Variants in TIMM9 observed in about 807,000 individuals in gnomAD.
TIMM9 encodes translocase of inner mitochondrial membrane 9.
TIMM9 carries 10 observed loss-of-function variants against 13.4 expected under a neutral mutation model. The ratio of observed to expected loss-of-function variants is 0.75; its 90% CI spans 0.46 to 1.26. The LOEUF (loss-of-function observed/expected upper bound fraction) is 1.26, where lower values mean the gene tolerates loss of function less well. Ranked by LOEUF, TIMM9 falls within the 50% of genes most tolerant of loss-of-function variation. The pLI, the probability that TIMM9 is intolerant of heterozygous loss-of-function variation, is 0.00. For missense variants in TIMM9, 87 were observed against 100.8 expected, an observed-to-expected ratio of 0.86 and a Z score of 0.58; for synonymous variants, 32 against 32.1, an observed-to-expected ratio of 1.00 and a Z score of 0.01.
At position 58,409,020 on chromosome 14, in the gene TIMM9, C is replaced by T; in HGVS notation, c.*14G>A. 1 of 1,597,284 alleles carries T rather than the reference C, an allele frequency of 6.3e-7. No individual in the cohort carries two copies. Among genetic ancestry groups the T allele is most frequent in the Non-Finnish European group, 8.5e-7 (1 of 1,176,178 alleles). The stretch of plus-strand genomic sequence containing the variant: ...TGGCAATCTTTCATCAAAAGTTCAT[C>T]CATCAGGACTTCTCTATCGTGGTTG... On this transcript the variant is annotated 3_prime_UTR_variant, in exon 6 of 6. Transcript: ENST00000395159.
At chr14:58,422,167 G>A (rs1326089638) in intron 3 of TIMM9, among the ~76,000 whole-genome samples, 4 of 150,164 alleles carry the variant, frequency 2.7e-5, no homozygotes, top group Non-Finnish European at 5.9e-5. Context: ...CCAGGCTGGA[G>A]TGCAATGGCA....
chr14:58,413,171 C>T (rs1176736487), intron 3 of TIMM9, among the ~76,000 whole-genome samples: 1 of 152,120 alleles, frequency 6.6e-6, no homozygotes, highest in Non-Finnish European at 1.5e-5. Flanking sequence ...TACACCACAT[C>T]TCAATTTGAA....
intron 5 of TIMM9, among the ~76,000 whole-genome samples, chr14:58,409,575 A>G (rs929236277): frequency 3.3e-5 from 5 of 151,826 alleles, no homozygotes; most frequent in African/African-American, 9.7e-5. Flanking sequence ...TTTTAATTTT[A>G]TTTATTTATT....
At chr14:58,419,679 G>T (rs1217906635) in intron 3 of TIMM9, among the ~76,000 whole-genome samples, 1 of 152,048 alleles carries the variant, frequency 6.6e-6, no homozygotes, top group Admixed American at 6.5e-5. Context: ...GCCAAGGTTG[G>T]CAGATGGCTT....
intron 4 of TIMM9, among the ~76,000 whole-genome samples, chr14:58,411,222 C>T (rs775914462): frequency 4.6e-5 from 7 of 151,880 alleles, no homozygotes; most frequent in Non-Finnish European, 1.0e-4. Flanking sequence ...CCGAGGTGGG[C>T]GGATTACCTG....
intron 2 of TIMM9, among the ~76,000 whole-genome samples, chr14:58,426,355 G>A (rs113461217): frequency 3.8e-4 from 57 of 151,652 alleles, no homozygotes; most frequent in Admixed American, 1.1e-3. Context: ...ACAGGCGCGC[G>A]CCACCATGCC....
rs1367331653 is a variant in TIMM9 at position 58,409,144 on chromosome 14, G to T, written c.160C>A (p.Gln54Lys). ...EETTCSEHCL[Q>K]KYLKMTQRIS... ...CTTTGTGTCATTTTTAAATATTTCT[G>T]TAAGCAATGTTCTGAACAGGTGGTC... Residue 54 changes from glutamine to lysine, a missense_variant, in exon 6 of 6, where the codon CAG (glutamine) becomes AAG (lysine). By Grantham distance (53) the Gln-to-Lys change is moderately conservative. Transcript: ENST00000395159. The T allele has an allele frequency of 1.9e-6, 3 of 1,613,628 alleles. No homozygotes were observed. The highest frequency in any genetic ancestry group is 1.3e-5 in the African/African-American group (1 of 74,974).
intron 3 of TIMM9, among the ~76,000 whole-genome samples, chr14:58,412,429 C>A (rs146372216): frequency 6.6e-6 from 1 of 152,208 alleles, no homozygotes; most frequent in Admixed American, 6.5e-5. Flanking sequence ...CGTTAGCCGC[C>A]GTGCCCGGCC....
intron 2 of TIMM9, among the ~76,000 whole-genome samples, chr14:58,425,813 A>T (rs1444051159): frequency 2.6e-5 from 4 of 152,110 alleles, no homozygotes; most frequent in Non-Finnish European, 5.9e-5. Flanking sequence ...ACGAAGAGAA[A>T]ATGTAACTAA....
rs181238796 is a variant in TIMM9, at chr14:58,411,349, G to A, written c.40-411C>T. ...TGTAATCCCAGCTACTCAGGAGGCTGAGGCAGGAGAATTGCTTGGGCCCGG... is the reference window on the plus strand; with the variant it reads ...TGTAATCCCAGCTACTCAGGAGGCTAAGGCAGGAGAATTGCTTGGGCCCGG... On this transcript the variant is annotated intron_variant, in intron 4 of 5. Transcript: ENST00000395159. Among the ~76,000 whole-genome samples the A allele has an allele frequency of 8.0e-3, 1,223 of 152,020 alleles. 8 individuals are homozygous for A. Among genetic ancestry groups the A allele is most frequent in the Non-Finnish European group, 0.013 (862 of 67,960 alleles).
chr14:58,409,121 T>G lies in TIMM9; in HGVS notation c.183A>C (p.Gln61His). The G allele has an allele frequency of 1.9e-6, 3 of 1,613,892 alleles. No individual in the cohort carries two copies. The highest frequency in any genetic ancestry group is 2.5e-6 in the Non-Finnish European group (3 of 1,179,902). The change falls in exon 6 of 6, where the codon CAA (glutamine) becomes CAC (histidine). Residue 61 changes from glutamine (Q) to histidine (H), a missense_variant. By Grantham distance (24) the Gln-to-His change is conservative (BLOSUM62 0). Transcript: ENST00000395159. ...ATTCCTGAAATCTCATGGATATTCT[T>G]TGTGTCATTTTTAAATATTTCTGTA... is the stretch of plus-strand genomic sequence containing the variant. ...HCLQKYLKMTQRISMRFQEYH... is the reference protein window; with the variant it reads ...HCLQKYLKMTHRISMRFQEYH...
intron 4 of TIMM9, among the ~76,000 whole-genome samples, chr14:58,411,246 G>C (rs763837698): frequency 1.3e-5 from 2 of 152,112 alleles, no homozygotes; most frequent in Non-Finnish European, 2.9e-5. Flanking sequence ...TCAGGAGTTC[G>C]AGACCAGCCT....
At chr14:58,425,846 C>T (rs965170567) in intron 2 of TIMM9, among the ~76,000 whole-genome samples, 1 of 152,060 alleles carries the variant, frequency 6.6e-6, no homozygotes, top group East Asian at 1.9e-4. Flanking sequence ...TGGCCACGTG[C>T]GGTGGCTCAC....
At chr14:58,414,475 C>A (rs1352461788) in intron 3 of TIMM9, among the ~76,000 whole-genome samples, 1 of 152,060 alleles carries the variant, frequency 6.6e-6, no homozygotes, top group African/African-American at 2.4e-5. Context: ...CGGTGGCTCA[C>A]ACTTGTAATC....
intron 5 of TIMM9, 143 bp from the exon 6 acceptor site, chr14:58,409,311 AC>A: frequency 1.1e-6 from 1 of 883,734 alleles, no homozygotes; most frequent in Non-Finnish European, 1.7e-6. Flanking sequence ...GCAGCAACTG[AC>A]CATAGCTTTT....
At chr14:58,413,389 T>G (rs1260424059) in intron 3 of TIMM9, among the ~76,000 whole-genome samples, 5 of 152,194 alleles carry the variant, frequency 3.3e-5, no homozygotes, top group Non-Finnish European at 4.4e-5. Context: ...CAAACACCAT[T>G]TGCTTAGAAA....
chr14:58,424,731 G>A (rs2036685052), intron 2 of TIMM9, among the ~76,000 whole-genome samples: 1 of 152,060 alleles, frequency 6.6e-6, no homozygotes, highest in Non-Finnish European at 1.5e-5. Context: ...AGCCGGCATG[G>A]TGGTGTGCAC....
intron 5 of TIMM9, among the ~76,000 whole-genome samples, chr14:58,409,815 T>TG (rs1402414995): frequency 6.6e-6 from 1 of 152,054 alleles, no homozygotes; most frequent in African/African-American, 2.4e-5. Context: ...CCTGACCTCG[T>TG]GATCCGCCTG....
At chr14:58,421,615 T>G (rs960506028) in intron 3 of TIMM9, among the ~76,000 whole-genome samples, 1 of 152,180 alleles carries the variant, frequency 6.6e-6, no homozygotes, top group Non-Finnish European at 1.5e-5. Context: ...TTGTATAACT[T>G]TCTGGTACCT....
Sources: gnomAD v4.1 joint callset for allele counts (sites outside exome capture counted in the v4.1 genomes callset) on GRCh38, gnomAD v4.1.1 for gene constraint, MANE v1.5 for transcripts, NCBI Gene and HGNC (gene_info 2026-07-23, HGNC 2026-07-21) for gene names.